The following ATP7A variants were observed in gnomAD, a reference collection of about 807,000 sequenced individuals.
The protein encoded by ATP7A is ATPase copper transporting alpha, also known as copper-transporting ATPase 1.
A neutral mutation model predicts 83.5 loss-of-function variants in ATP7A; 7 were observed. That is an observed-to-expected ratio of 0.08 (90% CI 0.05 to 0.16). The LOEUF (loss-of-function observed/expected upper bound fraction) is 0.16, where lower values mean the gene tolerates loss of function less well. ATP7A is among the 10% of genes least tolerant of loss of function. ATP7A has a pLI of 1.00. For missense variants in ATP7A, 940 were observed against 1,120.8 expected, an observed-to-expected ratio of 0.84 and a Z score of 2.30; for synonymous variants, 354 against 395.2, an observed-to-expected ratio of 0.90 and a Z score of 1.24.
In ATP7A at chrX:77,988,491, A is replaced by T; in HGVS notation, c.370A>T (p.Thr124Ser). The change falls in exon 3 of 23, where the codon ACT becomes TCT. Residue 124 changes from threonine to serine, a missense_variant. Transcript: ENST00000341514. Reference sequence around the variant, plus strand: ...CATTAAAATTTACCCTCAGAAAAGAACTGTAGCAGTGACAATAATCCCTTC... The same window carrying T: ...CATTAAAATTTACCCTCAGAAAAGATCTGTAGCAGTGACAATAATCCCTTC... Reference protein sequence around the residue: ...TDIKIYPQKRTVAVTIIPSIV... With the variant: ...TDIKIYPQKRSVAVTIIPSIV... 8.3e-7 allele frequency: 1 copy of T among 1,211,805 alleles called. No individual in the cohort carries two copies. The highest frequency in any genetic ancestry group is 1.1e-6 in the Non-Finnish European group (1 of 895,464).
At chrX:77,911,964 A>G (rs1463838371) in intron 1 of ATP7A, among the ~76,000 whole-genome samples, 1 of 112,198 alleles carries the variant, frequency 8.9e-6, no homozygotes, top group Non-Finnish European at 1.9e-5. Context: ...AAAGAAAAAT[A>G]AACAGTTTAC....
intron 1 of ATP7A, among the ~76,000 whole-genome samples, chrX:77,956,726 C>CCTTCCTTCCTTTCTTTCTTTCTTT (rs1557227392): frequency 1.4e-5 from 1 of 73,772 alleles, no homozygotes; most frequent in South Asian, 7.5e-4. Context: ...TACCCAGTCT[C>CCTTCCTTCCTTTCTTTCTTTCTTT]CTTTCTTTCT....
At chrX:78,012,049 T>G (rs1557234621) in intron 9 of ATP7A, among the ~76,000 whole-genome samples, 1 of 110,717 alleles carries the variant, frequency 9.0e-6, no homozygotes, top group Non-Finnish European at 1.9e-5. Flanking sequence ...GCTCAAGCAT[T>G]CCTTCTGCCT....
At chrX:78,034,645 C>T (rs2149107631) in intron 17 of ATP7A, among the ~76,000 whole-genome samples, 1 of 111,263 alleles carries the variant, frequency 9.0e-6, no homozygotes, top group African/African-American at 3.3e-5. Context: ...CCTGCAAGAC[C>T]TCATTAAGAT....
At chrX:77,934,139 C>G (rs1032525453) in intron 1 of ATP7A, among the ~76,000 whole-genome samples, 1 of 111,689 alleles carries the variant, frequency 9.0e-6, no homozygotes, top group African/African-American at 3.3e-5. Context: ...CTAGGCCAGG[C>G]GTGATGGCTC....
Position 78,029,406 on chromosome X carries a change from C to T in ATP7A, c.3073C>T (p.Leu1025=). 1 of 1,211,317 alleles carries T rather than the reference C, an allele frequency of 8.3e-7. No individual in the cohort carries two copies. ...AGGAGTAGGTGCTCAAAATGGCATA[C>T]TAATAAAAGGTGGAGAGCCATTGGA... The part of the protein sequence containing the change: ...GTGVGAQNGI[L]IKGGEPLEMA... Residue 1025 remains leucine (L), a synonymous_variant, in exon 15 of 23, where the codon CTA becomes TTA. Coordinates refer to ENST00000341514, the MANE Select transcript of ATP7A (RefSeq NM_000052.7).
At chrX:78,006,562 A>T (rs1418494517) in intron 6 of ATP7A, among the ~76,000 whole-genome samples, 1 of 112,031 alleles carries the variant, frequency 8.9e-6, no homozygotes, top group Non-Finnish European at 1.9e-5. Context: ...GACTTGTGCA[A>T]CTATCACTAC....
At position 78,009,183 on chromosome X, in the gene ATP7A, G is replaced by T. The variant is rs781959472; in HGVS notation, c.1789G>T (p.Val597Leu). ...TKHRGILYCS[V>L]ALATNKAHIK... ...ACACAGAGGGATCCTATACTGCTCC[G>T]TGGCCCTGGCAACCAACAAAGCACA... is the stretch of plus-strand genomic sequence containing the variant. The change falls in exon 7 of 23, where the codon GTG becomes TTG. Residue 597 changes from valine (V) to leucine (L), a missense_variant. This residue lies in a region of ATP7A where 204 missense variants were observed against 185.8 expected (regional missense o/e 1.10). Coordinates refer to ENST00000341514, the MANE Select transcript of ATP7A (RefSeq NM_000052.7). 1 of 1,209,331 alleles carries T rather than the reference G, an allele frequency of 8.3e-7. No individual in the cohort carries two copies. Among genetic ancestry groups the T allele is most frequent in the South Asian group, 1.8e-5 (1 of 56,893 alleles).
intron 17 of ATP7A, among the ~76,000 whole-genome samples, chrX:78,034,046 C>T (rs1395670936): frequency 8.9e-6 from 1 of 112,483 alleles, no homozygotes; most frequent in African/African-American, 3.2e-5. Context: ...GCTGATCATC[C>T]ATGATCATTC....
At chrX:77,969,543 C>T in intron 1 of ATP7A, 8 of 1,211,589 alleles carry the variant, frequency 6.6e-6, no homozygotes, top group South Asian at 1.8e-5. Flanking sequence ...CGTGGCCCGC[C>T]GGGCTCAGAT....
At chrX:77,915,938 C>T (rs1171337215) in intron 1 of ATP7A, among the ~76,000 whole-genome samples, 1 of 111,905 alleles carries the variant, frequency 8.9e-6, no homozygotes, top group Non-Finnish European at 1.9e-5. Context: ...CCAGCCTGGT[C>T]TCAAACTCCT....
chrX:77,989,081 A>G (rs2077654697), intron 3 of ATP7A, 152 bp from the exon 4 acceptor site: 2 of 698,637 alleles, frequency 2.9e-6, no homozygotes, highest in East Asian at 7.1e-5. Context: ...GTCTATGCCA[A>G]TAACATTTTC....
At chrX:77,934,853 GTT>G (rs782362181) in intron 1 of ATP7A, among the ~76,000 whole-genome samples, 4 of 99,052 alleles carry the variant, frequency 4.0e-5, no homozygotes, top group African/African-American at 7.3e-5. Flanking sequence ...ATAAGTTATA[GTT>G]TTTTTTTTTT....
chrX:78,038,108 C>T (rs972284046), intron 17 of ATP7A, among the ~76,000 whole-genome samples: 2 of 100,691 alleles, frequency 2.0e-5, no homozygotes, highest in East Asian at 6.4e-4. Context: ...GCGGGGGTGT[C>T]TAGTGCACAA....
intron 2 of ATP7A, among the ~76,000 whole-genome samples, chrX:77,977,110 G>T (rs2149076810): frequency 8.9e-6 from 1 of 112,198 alleles, no homozygotes; most frequent in South Asian, 3.7e-4. Context: ...CTATGCAAAA[G>T]TTAGGCATAT....
chrX:78,001,569 C>T (rs1358894967), intron 5 of ATP7A, among the ~76,000 whole-genome samples: 1 of 111,323 alleles, frequency 9.0e-6, no homozygotes, highest in African/African-American at 3.3e-5. Flanking sequence ...TATTTGTACC[C>T]ATTAACCATC....
chrX:78,018,912 T>A (rs192098559), intron 12 of ATP7A, among the ~76,000 whole-genome samples: 5 of 111,199 alleles, frequency 4.5e-5, no homozygotes, highest in Non-Finnish European at 7.5e-5. Flanking sequence ...CAGACACTTA[T>A]AAAACCATCA....
chrX:77,912,474 T>C (rs1244145574), intron 1 of ATP7A, among the ~76,000 whole-genome samples: 2 of 111,475 alleles, frequency 1.8e-5, no homozygotes, highest in Admixed American at 1.9e-4. Context: ...AAGATGTCAC[T>C]GATTAAAATT....
intron 2 of ATP7A, among the ~76,000 whole-genome samples, chrX:77,972,359 T>A (rs918012556): frequency 5.4e-4 from 58 of 107,388 alleles, no homozygotes; most frequent in African/African-American, 2.0e-3. Flanking sequence ...GCTAGCTAAT[T>A]TTTTTTTTTT....
Sources: gnomAD v4.1 joint callset for allele counts (sites outside exome capture counted in the v4.1 genomes callset) on GRCh38, gnomAD v4.1.1 for gene constraint, gnomAD v4.1.1 regional missense constraint, MANE v1.5 for transcripts, NCBI Gene and HGNC (gene_info 2026-07-23, HGNC 2026-07-21) for gene names.